ASPRV1: variants seen among roughly 807,000 people sequenced by gnomAD.
The protein encoded by ASPRV1 is retroviral-like aspartic protease 1.
ASPRV1 carries 7 observed loss-of-function variants against 11.0 expected under a neutral mutation model. The observed-to-expected ratio is 0.64, with a 90% CI of 0.36 to 1.20. ASPRV1 has a LOEUF of 1.20. ASPRV1 is among the 50% of genes most tolerant of loss of function. The pLI is 0.02. For synonymous variants in ASPRV1, 136 were observed against 138.4 expected, an observed-to-expected ratio of 0.98 and a Z score of 0.12; for missense variants, 299 against 320.0, an observed-to-expected ratio of 0.93 and a Z score of 0.50.
the ASPRV1 span, among the ~76,000 whole-genome samples, chr2:69,981,469 G>C: frequency 2.0e-5 from 3 of 152,184 alleles, no homozygotes; most frequent in Admixed American, 6.5e-5. Context: ...CATATAATTA[G>C]AGTGAATCAT....
chr2:70,051,962 G>A, the ASPRV1 span, among the ~76,000 whole-genome samples: 2 of 151,944 alleles, frequency 1.3e-5, no homozygotes, highest in African/African-American at 2.4e-5. Context: ...GTGACAGAGC[G>A]AGACCCTGTC....
the ASPRV1 span, among the ~76,000 whole-genome samples, chr2:70,013,004 T>A: frequency 1.6e-4 from 24 of 152,244 alleles, no homozygotes; most frequent in African/African-American, 5.5e-4. Context: ...TTGGAAAATG[T>A]GTATCCATGC....
At chr2:70,006,443 A>T in the ASPRV1 span, among the ~76,000 whole-genome samples, 1 of 152,192 alleles carries the variant, frequency 6.6e-6, no homozygotes, top group Non-Finnish European at 1.5e-5. Flanking sequence ...ATGGAAAGAA[A>T]ATGGGATCTA....
At chr2:69,996,594 A>G in the ASPRV1 span, 1 of 410,066 alleles carries the variant, frequency 2.4e-6, no homozygotes, top group South Asian at 1.8e-5. Context: ...TCATTCCTTC[A>G]GGAATGCAAC....
chr2:70,030,158 T>C, the ASPRV1 span: 21 of 152,310 alleles, frequency 1.4e-4, no homozygotes, highest in East Asian at 2.1e-3. Context: ...TAGTAAACCA[T>C]TGGTAATCGT....
At chr2:69,974,367 G>A in the ASPRV1 span, among the ~76,000 whole-genome samples, 1 of 151,928 alleles carries the variant, frequency 6.6e-6, no homozygotes, top group Admixed American at 6.5e-5. Flanking sequence ...GGAAGTGATG[G>A]TTTTTGAAAA....
the ASPRV1 span, among the ~76,000 whole-genome samples, chr2:70,048,286 G>A: frequency 4.0e-5 from 6 of 150,778 alleles, no homozygotes; most frequent in Admixed American, 1.3e-4. Flanking sequence ...GTGGTGGCAG[G>A]TGCCTGTAGT....
At chr2:70,083,906 C>A in the ASPRV1 span, among the ~76,000 whole-genome samples, 4 of 152,168 alleles carry the variant, frequency 2.6e-5, no homozygotes, top group African/African-American at 9.7e-5. Context: ...AGGGGCAGAG[C>A]TAGGACTAGG....
At chr2:69,970,838 AGTG>A in the ASPRV1 span, 1 of 152,252 alleles carries the variant, frequency 6.6e-6, no homozygotes, top group Non-Finnish European at 1.5e-5. Context: ...CAGGCCTGGC[AGTG>A]CTCTTTAACT....
the ASPRV1 span, among the ~76,000 whole-genome samples, chr2:69,983,624 T>C: frequency 2.0e-5 from 3 of 151,870 alleles, no homozygotes; most frequent in Non-Finnish European, 4.4e-5. Context: ...ATCTGAGGAA[T>C]GGGGGAGGGT....
At chr2:70,078,484 C>T in the ASPRV1 span, among the ~76,000 whole-genome samples, 4 of 152,146 alleles carry the variant, frequency 2.6e-5, no homozygotes, top group Admixed American at 6.5e-5. Flanking sequence ...TTAAACAAGG[C>T]AGTTAAGGTA....
the ASPRV1 span, among the ~76,000 whole-genome samples, chr2:69,933,780 C>T: frequency 6.6e-6 from 1 of 152,204 alleles, no homozygotes; most frequent in African/African-American, 2.4e-5. Flanking sequence ...GAAGCCATTT[C>T]CTTTCTTTGG....
chr2:70,033,657 T>C, the ASPRV1 span, among the ~76,000 whole-genome samples: 1 of 152,176 alleles, frequency 6.6e-6, no homozygotes, highest in Non-Finnish European at 1.5e-5. Context: ...GTAAAGGGAA[T>C]GGAATAATTT....
chr2:70,000,333 A>ACC, the ASPRV1 span, among the ~76,000 whole-genome samples: 168 of 142,308 alleles, frequency 1.2e-3, no homozygotes, highest in African/African-American at 4.7e-3. Context: ...AAAAAAAAAA[A>ACC]AACCACACAC....
the ASPRV1 span, chr2:69,970,866 T>C: frequency 6.6e-6 from 1 of 152,280 alleles, no homozygotes; most frequent in Non-Finnish European, 1.5e-5. Context: ...ATGAGCAGCA[T>C]TCAAAGTTGC....
At chr2:69,948,932 T>TG in the ASPRV1 span, among the ~76,000 whole-genome samples, 3 of 152,102 alleles carry the variant, frequency 2.0e-5, no homozygotes, top group African/African-American at 7.2e-5. Flanking sequence ...GGCCCCCACT[T>TG]GGGGAGCCTG....
the ASPRV1 span, chr2:69,936,974 A>C: frequency 1.7e-6 from 1 of 594,556 alleles, no homozygotes; most frequent in Admixed American, 2.2e-5. Flanking sequence ...GAGGGCTACC[A>C]GGGTGCCAGT....
At chr2:70,019,813 G>C in the ASPRV1 span, among the ~76,000 whole-genome samples, 28 of 152,134 alleles carry the variant, frequency 1.8e-4, no homozygotes, top group Non-Finnish European at 3.4e-4. Flanking sequence ...TGTTAGACAG[G>C]AGGAACAAGT....
the ASPRV1 span, among the ~76,000 whole-genome samples, chr2:69,948,978 C>T: frequency 6.6e-6 from 1 of 152,094 alleles, no homozygotes; most frequent in Admixed American, 6.5e-5. Flanking sequence ...CGGCGGACTG[C>T]GCTTCACTCA....
Sources: allele counts gnomAD v4.1 joint callset (sites outside exome capture counted in the v4.1 genomes callset), GRCh38; gene constraint gnomAD v4.1.1; transcripts MANE v1.5; gene names NCBI Gene and HGNC (gene_info 2026-07-23, HGNC 2026-07-21).